SCUBE1: variants seen among roughly 807,000 people sequenced by gnomAD.
The protein encoded by SCUBE1 is signal peptide, CUB and EGF-like domain-containing protein 1.
Under a neutral mutation model 124.4 loss-of-function variants are expected in SCUBE1, and 59 were observed. The observed-to-expected ratio is 0.47, with a 90% confidence interval of 0.38 to 0.59. The LOEUF is 0.59. SCUBE1 is among the 20% of genes least tolerant of loss of function. The pLI is 0.00. For synonymous variants in SCUBE1, 545 were observed against 550.9 expected (o/e 0.99, Z 0.15); for missense variants, 1,150 against 1,371.2 (o/e 0.84, Z 2.55).
rs905787765 is a variant in SCUBE1, at chr22:43,218,591, G to A, written c.1688-133C>T. ...CTCAGCACATTCTCACAACAGTCCTGGGGCAAGGGGCCACTGTCATGCCCA... is the reference window on the plus strand; with the variant it reads ...CTCAGCACATTCTCACAACAGTCCTAGGGCAAGGGGCCACTGTCATGCCCA... On this transcript the variant is annotated intron_variant, in intron 14 of 21. Transcript: ENST00000360835. The A allele has an allele frequency of 2.6e-5, 23 of 876,834 alleles. No individual in the cohort carries two copies. The South Asian group carries it at 3.0e-4, about 12-fold the overall frequency. The allele number at this position is 876,834 out of a possible 1,614,324, so 54.3% of individuals were successfully genotyped here. A position where few individuals can be genotyped will look rare whatever the true frequency, so the allele number is the denominator to read the frequency against.
intron 6 of SCUBE1, among the ~76,000 whole-genome samples, chr22:43,240,759 C>T (rs899522918): frequency 6.6e-6 from 1 of 152,240 alleles, no homozygotes; most frequent in Non-Finnish European, 1.5e-5. Flanking sequence ...CTGCCTCCCA[C>T]TCCCAATCCA....
At chr22:43,294,963 G>T (rs1209506413) in intron 3 of SCUBE1, among the ~76,000 whole-genome samples, 1 of 152,150 alleles carries the variant, frequency 6.6e-6, no homozygotes. Flanking sequence ...TCCACACCGG[G>T]GGCATTATTC....
intron 4 of SCUBE1, among the ~76,000 whole-genome samples, chr22:43,277,409 C>T (rs1018918967): frequency 1.2e-4 from 18 of 152,254 alleles, no homozygotes; most frequent in East Asian, 3.9e-4. Flanking sequence ...AGGCAGCTGC[C>T]GCACTAACTC....
chr22:43,323,424 C>T (rs1926621861), intron 2 of SCUBE1, among the ~76,000 whole-genome samples: 1 of 152,118 alleles, frequency 6.6e-6, no homozygotes, highest in South Asian at 2.1e-4. Flanking sequence ...ATCTAAATAT[C>T]CAGTGTGCTG....
intron 3 of SCUBE1, among the ~76,000 whole-genome samples, chr22:43,304,311 G>T (rs1363775569): frequency 2.6e-5 from 4 of 152,234 alleles, no homozygotes; most frequent in Non-Finnish European, 5.9e-5. Flanking sequence ...CAGTCACTTG[G>T]CAGGGGTGCA....
chr22:43,209,189 C>T (rs981774019), intron 19 of SCUBE1, among the ~76,000 whole-genome samples: 3 of 152,146 alleles, frequency 2.0e-5, no homozygotes, highest in East Asian at 1.9e-4. Flanking sequence ...GCAGCCCTGG[C>T]GCAGACCTCA....
At chr22:43,302,368 G>C (rs1346756537) in intron 3 of SCUBE1, among the ~76,000 whole-genome samples, 1 of 152,226 alleles carries the variant, frequency 6.6e-6, no homozygotes, top group Non-Finnish European at 1.5e-5. Context: ...TTCAGGAAGT[G>C]AGTGGAGAGG....
intron 2 of SCUBE1, among the ~76,000 whole-genome samples, chr22:43,335,404 C>T (rs1428709002): frequency 6.6e-6 from 1 of 152,198 alleles, no homozygotes; most frequent in Non-Finnish European, 1.5e-5. Flanking sequence ...ACAGGGTCTA[C>T]ACAGGCCTCC....
At position 43,281,431 on chromosome 22, in the gene SCUBE1, TC is replaced by T. The variant is rs1165435778; in HGVS notation, c.484+9614del. On this transcript the variant is annotated intron_variant, in intron 4 of 21. Coordinates refer to ENST00000360835, the MANE Select transcript of SCUBE1 (RefSeq NM_173050.5). ...CTCCCTCAGCCATCCTCCTGTCACC[TC>T]CCTTGGCCACCCTCCTGTCATCTCC... 2.6e-4 allele frequency among the ~76,000 whole-genome samples: 19 copies of T among 73,296 alleles called. 2 individuals carry two copies. The highest frequency in any genetic ancestry group is 3.5e-3 in the East Asian group (2 of 578). 48.1% of individuals were successfully genotyped at this position (73,296 alleles called of 152,430 possible).
chr22:43,280,764 ATTG>A (rs199703520), intron 4 of SCUBE1, among the ~76,000 whole-genome samples: 8 of 84,530 alleles, frequency 9.5e-5, no homozygotes, highest in East Asian at 5.9e-4. Context: ...CACCTCCCTC[ATTG>A]GCCACCCTCC....
At chr22:43,337,909 C>T (rs1043201368) in intron 2 of SCUBE1, among the ~76,000 whole-genome samples, 1 of 152,158 alleles carries the variant, frequency 6.6e-6, no homozygotes, top group African/African-American at 2.4e-5. Context: ...AAACTAGCTG[C>T]CAGAGTTGTT....
chr22:43,258,171 CGGGGGCG>C lies in SCUBE1; in HGVS notation c.727+41_727+47del. On this transcript the variant is annotated intron_variant, in intron 6 of 21. Coordinates refer to ENST00000360835, the MANE Select transcript of SCUBE1 (RefSeq NM_173050.5). This position sits in a 1 kb window ranked among gnomAD's most constrained non-coding sequence, Gnocchi z 5.0. The stretch of plus-strand genomic sequence containing the variant: ...CCCTGCTGGTGCACGCATGGGGGGT[CGGGGGCG>C]GGGGGCGCAAGGGTGGTGTGTGGCA... The C allele has an allele frequency of 7.7e-7, 1 of 1,297,440 alleles. No homozygotes were observed. The highest frequency in any genetic ancestry group is 1.1e-6 in the Non-Finnish European group (1 of 909,700). The allele number at this position is 1,297,440 out of a possible 1,614,324, so 80.4% of individuals were successfully genotyped here.
chr22:43,238,779 C>T (rs542055219), intron 7 of SCUBE1, 59 bp downstream of exon 7: 16 of 1,394,062 alleles, frequency 1.1e-5, no homozygotes, highest in African/African-American at 5.6e-5. Flanking sequence ...TGCAAGCACA[C>T]GGAGGCTCTT....
chr22:43,342,547 G>A (rs1295595162), intron 1 of SCUBE1, among the ~76,000 whole-genome samples: 2 of 145,228 alleles, frequency 1.4e-5, no homozygotes, highest in Non-Finnish European at 3.0e-5. Flanking sequence ...TCTGTCCCCC[G>A]TCTCCTCCTC....
chr22:43,223,306 C>G (rs1922177642), intron 10 of SCUBE1, 90 bp from the exon 11 acceptor site: 2 of 1,366,580 alleles, frequency 1.5e-6, no homozygotes, highest in Non-Finnish European at 2.0e-6. Flanking sequence ...CTAATGGGGA[C>G]TCCCCCAACT....
At chr22:43,312,851 C>T (rs981061273) in intron 3 of SCUBE1, among the ~76,000 whole-genome samples, 2 of 152,188 alleles carry the variant, frequency 1.3e-5, no homozygotes. Flanking sequence ...ATATCTAACA[C>T]CCTACGACAA....
chr22:43,225,256 GC>G (rs1922256656), intron 10 of SCUBE1, among the ~76,000 whole-genome samples: 2 of 151,844 alleles, frequency 1.3e-5, no homozygotes, highest in Admixed American at 1.3e-4. Context: ...TCCCAGGAAA[GC>G]CAGAAATCAG....
At chr22:43,311,937 T>C (rs1926184540) in intron 3 of SCUBE1, among the ~76,000 whole-genome samples, 1 of 152,146 alleles carries the variant, frequency 6.6e-6, no homozygotes, top group African/African-American at 2.4e-5. Context: ...TGAGTAAGAC[T>C]TAGGCAAAAG....
rs542276340 is a variant in SCUBE1 at position 43,262,810 on chromosome 22, C to T, written c.520G>A (p.Ala174Thr). The part of the protein sequence containing the change: ...MNCMNKDHGC[A>T]HICRETPKGG... ...TTGGGCGTCTCCCGGCAGATGTGGG[C>T]ACAGCCATGGTCTTTGTTCATGCAG... is the stretch of plus-strand genomic sequence containing the variant. The change falls in exon 5 of 22, where the codon GCC (alanine) becomes ACC (threonine). Residue 174 changes from alanine to threonine, a missense_variant. Around this residue, in one of 3 missense-constraint regions of SCUBE1, gnomAD observed 337 missense variants for 482.1 expected, o/e 0.70. Coordinates refer to ENST00000360835, the MANE Select transcript of SCUBE1 (RefSeq NM_173050.5). The T allele has an allele frequency of 1.9e-6, 3 of 1,614,178 alleles. No homozygotes were observed. Among genetic ancestry groups the T allele is most frequent in the East Asian group, 2.2e-5 (1 of 44,884 alleles).
Sources: allele counts gnomAD v4.1 joint callset (sites outside exome capture counted in the v4.1 genomes callset), GRCh38; gene constraint gnomAD v4.1.1; regional missense constraint gnomAD v4.1.1; non-coding constraint Gnocchi (gnomAD v3.1); transcripts MANE v1.5; gene names NCBI Gene and HGNC (gene_info 2026-07-23, HGNC 2026-07-21).